GMEB2: variants seen among roughly 807,000 people sequenced by gnomAD.
GMEB2 encodes the protein glucocorticoid modulatory element binding protein 2.
In GMEB2, 7 loss-of-function variants were observed where a neutral mutation model predicts 45.7. The ratio of observed to expected loss-of-function variants is 0.15; its 90% CI spans 0.09 to 0.29. The LOEUF (loss-of-function observed/expected upper bound fraction) is 0.29. GMEB2 is among the 10% of genes least tolerant of loss of function. The pLI, the probability that GMEB2 is intolerant of heterozygous loss-of-function variation, is 1.00. For synonymous variants in GMEB2, 322 were observed against 323.6 expected (o/e 1.00, Z 0.05); for missense variants, 582 against 739.2 (o/e 0.79, Z 2.47).
At position 63,589,990 on chromosome 20, in the gene GMEB2, AC is replaced by A; in HGVS notation, c.*98del. 1 of 1,062,534 alleles carries A rather than the reference AC, an allele frequency of 9.4e-7. No individual in the cohort carries two copies. Among genetic ancestry groups the A allele is most frequent in the Non-Finnish European group, 1.3e-6 (1 of 773,860 alleles). The allele number at this position is 1,062,534 out of a possible 1,614,324, so 65.8% of individuals were successfully genotyped here. A position where few individuals can be genotyped will look rare whatever the true frequency, so the allele number is the denominator to read the frequency against. ...TTTGGTTCTGCAGACCACGTGACCC[AC>A]CTGCCCGAGCCAGCCCTGCGGCCTC... On this transcript the variant is annotated 3_prime_UTR_variant, in exon 10 of 10. Coordinates refer to ENST00000370077, the MANE Select transcript of GMEB2 (RefSeq NM_012384.5).
At chr20:63,604,309 T>C (rs551407489) in intron 3 of GMEB2, among the ~76,000 whole-genome samples, 2 of 148,940 alleles carry the variant, frequency 1.3e-5, no homozygotes, top group African/African-American at 2.5e-5. Context: ...GCCTGGGAGG[T>C]TAAGGCTATG....
At chr20:63,603,140 T>C in intron 3 of GMEB2, 48 bp from the exon 4 acceptor site, 1 of 1,591,276 alleles carries the variant, frequency 6.3e-7, no homozygotes, top group Non-Finnish European at 8.6e-7. Context: ...GAACATCAGT[T>C]ACAACCTCTT....
chr20:63,615,207 T>C (rs777238462), intron 2 of GMEB2, among the ~76,000 whole-genome samples: 1 of 152,118 alleles, frequency 6.6e-6, no homozygotes, highest in Non-Finnish European at 1.5e-5. Context: ...GTTGAGCCAG[T>C]TCACGAAAAA....
In GMEB2 at chr20:63,590,062, G is replaced by A. The variant is rs376020745; in HGVS notation, c.*27C>T. ...GGCTGAGAGACAGCCAGCCCTGTCC[G>A]TCCCAGGGGCCTCGCCCTCCTGTCG... On this transcript the variant is annotated 3_prime_UTR_variant, in exon 10 of 10. Coordinates refer to ENST00000370077, the MANE Select transcript of GMEB2 (RefSeq NM_012384.5). The A allele has an allele frequency of 2.1e-5, 31 of 1,492,600 alleles. No individual in the cohort carries two copies. The highest frequency in any genetic ancestry group is 2.0e-4 in the Middle Eastern group (1 of 4,948). 92.5% of individuals were successfully genotyped at this position (1,492,600 alleles called of 1,614,324 possible).
rs558241206 is a variant in GMEB2, at chr20:63,588,802, C to T, written c.*1287G>A. On this transcript the variant is annotated 3_prime_UTR_variant, in exon 10 of 10. Coordinates refer to ENST00000370077, the MANE Select transcript of GMEB2 (RefSeq NM_012384.5). ...CTCCCGGGACATGCCCTGTTGGAGA[C>T]GGCAGGAGGCCTGGGCTGGCTGCTC... is the stretch of plus-strand genomic sequence containing the variant. The T allele has an allele frequency of 2.2e-4, 87 of 398,726 alleles. No homozygotes were observed. Among genetic ancestry groups the T allele is most frequent in the African/African-American group, 1.5e-3 (73 of 48,772 alleles). 24.7% of individuals were successfully genotyped at this position (398,726 alleles called of 1,614,324 possible).
intron 2 of GMEB2, among the ~76,000 whole-genome samples, chr20:63,611,759 T>C (rs1387701833): frequency 2.0e-5 from 3 of 152,172 alleles, no homozygotes; most frequent in African/African-American, 7.2e-5. Context: ...GGCTCAAGCC[T>C]GTAACCCCAG....
chr20:63,609,882 C>T (rs2089555821), intron 2 of GMEB2, among the ~76,000 whole-genome samples: 1 of 150,244 alleles, frequency 6.7e-6, no homozygotes, highest in African/African-American at 2.5e-5. Flanking sequence ...AGAAACATGC[C>T]CCTCTGACCC....
chr20:63,592,171 G>A lies in GMEB2; in HGVS notation c.830-27C>T. The A allele has an allele frequency of 6.2e-7, 1 of 1,606,270 alleles. No homozygotes were observed. Among genetic ancestry groups the A allele is most frequent in the Non-Finnish European group, 8.5e-7 (1 of 1,176,282 alleles). On this transcript the variant is annotated intron_variant, in intron 8 of 9. Transcript: ENST00000370077. This position sits in a 1 kb window ranked among gnomAD's most constrained non-coding sequence, Gnocchi z 8.2. ...TTAAAGGGTAACGCGGACACTCAGT[G>A]AGAGCCCAAGCCCTTCCTAGAGAGC...
At chr20:63,613,671 C>T (rs925555877) in intron 2 of GMEB2, among the ~76,000 whole-genome samples, 8 of 152,204 alleles carry the variant, frequency 5.3e-5, no homozygotes, top group Middle Eastern at 3.4e-3. Context: ...CCCGCCACCA[C>T]GCCTGGCTAA....
At position 63,603,066 on chromosome 20, in the gene GMEB2, G is replaced by C; in HGVS notation, c.256C>G (p.Leu86Val). The change falls in exon 4 of 10, where the codon CTG (leucine) becomes GTG (valine). Residue 86 changes from leucine (L) to valine (V), a missense_variant. Coordinates refer to ENST00000370077, the MANE Select transcript of GMEB2 (RefSeq NM_012384.5). ...ATGGGGTACACAATCTCAGCTTCCA[G>C]GTTCTCCCCCTCTTCAGCCATCTTC... ...LVKMAEEGENLEAEIVYPITC... is the reference protein window; with the variant it reads ...LVKMAEEGENVEAEIVYPITC... The C allele has an allele frequency of 6.2e-7, 1 of 1,614,038 alleles. No individual in the cohort carries two copies. The highest frequency in any genetic ancestry group is 1.3e-5 in the African/African-American group (1 of 75,030).
At chr20:63,604,703 C>T (rs770540545) in intron 3 of GMEB2, 40 bp downstream of exon 3, 17 of 1,075,926 alleles carry the variant, frequency 1.6e-5, no homozygotes, top group African/African-American at 4.6e-5. Context: ...GTCCCTGCTG[C>T]GGCAAGAAGG....
intron 3 of GMEB2, among the ~76,000 whole-genome samples, 183 bp downstream of exon 3, chr20:63,604,560 A>G (rs2089503543): frequency 6.6e-6 from 1 of 152,210 alleles, no homozygotes; most frequent in African/African-American, 2.4e-5. Context: ...GTCATTACAG[A>G]CACATGGCAG....
intron 2 of GMEB2, among the ~76,000 whole-genome samples, chr20:63,614,512 G>A (rs2146086554): frequency 6.6e-6 from 1 of 152,320 alleles, no homozygotes; most frequent in South Asian, 2.1e-4. Flanking sequence ...TAGCAAACCA[G>A]GAAAGAGAGT....
At chr20:63,615,239 C>G (rs1396841610) in intron 2 of GMEB2, among the ~76,000 whole-genome samples, 1 of 152,178 alleles carries the variant, frequency 6.6e-6, no homozygotes. Context: ...GAGTGACATG[C>G]TAATGGGCAA....
At chr20:63,604,384 C>A (rs1250043856) in intron 3 of GMEB2, among the ~76,000 whole-genome samples, 1 of 152,120 alleles carries the variant, frequency 6.6e-6, no homozygotes, top group Non-Finnish European at 1.5e-5. Context: ...TCTCAAAAAA[C>A]AAAACCTTCT....
In GMEB2 at chr20:63,619,460, G is replaced by A; in HGVS notation, c.-57-6C>T. ...GTCCTCCAGGGTCCCAAGTCCTGGA[G>A]GAAGCAAGGCAGGGCACAGGGATGG... On this transcript the variant is annotated splice_region_variant and splice_polypyrimidine_tract_variant and intron_variant, in intron 1 of 9. Transcript: ENST00000370077. This position sits in a 1 kb window ranked among gnomAD's most constrained non-coding sequence, Gnocchi z 4.6. 6.4e-7 allele frequency: 1 copy of A among 1,564,740 alleles called. No individual in the cohort carries two copies. Among genetic ancestry groups the A allele is most frequent in the South Asian group, 1.1e-5 (1 of 87,582 alleles).
intron 4 of GMEB2, among the ~76,000 whole-genome samples, chr20:63,600,370 A>G (rs1482368968): frequency 6.6e-6 from 1 of 151,220 alleles, no homozygotes; most frequent in African/African-American, 2.4e-5. Flanking sequence ...TGCAGGATCC[A>G]GCCCAAGACT....
At chr20:63,604,960 T>C (rs921176892) in intron 2 of GMEB2, 120 bp from the exon 3 acceptor site, 2 of 688,102 alleles carry the variant, frequency 2.9e-6, no homozygotes, top group Non-Finnish European at 5.3e-6. Flanking sequence ...AATTCAGAAA[T>C]GGCAGAGGGG....
chr20:63,615,805 C>T (rs1365950330), intron 2 of GMEB2, among the ~76,000 whole-genome samples: 1 of 152,180 alleles, frequency 6.6e-6, no homozygotes, highest in Admixed American at 6.5e-5. Flanking sequence ...ACGCCCCATG[C>T]TCCCTTTGTG....
Sources: gnomAD v4.1 joint callset for allele counts (sites outside exome capture counted in the v4.1 genomes callset) on GRCh38, gnomAD v4.1.1 for gene constraint, Gnocchi (gnomAD v3.1) non-coding constraint, MANE v1.5 for transcripts, NCBI Gene and HGNC (gene_info 2026-07-23, HGNC 2026-07-21) for gene names.